RBFOX1: variants seen among roughly 807,000 people sequenced by gnomAD.
RBFOX1 encodes the protein RNA binding fox-1 homolog 1.
RBFOX1 carries 8 observed loss-of-function variants against 57.7 expected under a neutral mutation model. The observed-to-expected ratio is 0.14, with a 90% CI of 0.08 to 0.25. The LOEUF (loss-of-function observed/expected upper bound fraction) is 0.25. Among genes scored for constraint, RBFOX1 ranks in the 10% least tolerant of loss-of-function variants. RBFOX1 has a pLI of 1.00. For synonymous variants in RBFOX1, 326 were observed against 222.4 expected (o/e 1.47, Z -4.15); for missense variants, 611 against 548.5 (o/e 1.11, Z -1.14).
At chr16:7,469,167 C>T (rs1221745985) in intron 4 of RBFOX1, among the ~76,000 whole-genome samples, 1 of 152,022 alleles carries the variant, frequency 6.6e-6, no homozygotes, top group Non-Finnish European at 1.5e-5. Context: ...ATCTCCTGAC[C>T]TCATGATCTA....
At chr16:5,287,529 A>C (rs1219470105) in intron 1 of RBFOX1, among the ~76,000 whole-genome samples, 1 of 152,218 alleles carries the variant, frequency 6.6e-6, no homozygotes, top group Non-Finnish European at 1.5e-5. Flanking sequence ...GCTGCATAAC[A>C]AGTCACTCCA....
chr16:5,590,138 G>A (rs974317836), intron 2 of RBFOX1, among the ~76,000 whole-genome samples: 1 of 152,206 alleles, frequency 6.6e-6, no homozygotes, highest in Admixed American at 6.5e-5. Context: ...TTTATTTTAT[G>A]ACTTACTGAG....
intron 2 of RBFOX1, among the ~76,000 whole-genome samples, chr16:5,482,030 A>C (rs1005571189): frequency 1.3e-5 from 2 of 152,224 alleles, no homozygotes; most frequent in African/African-American, 4.8e-5. Flanking sequence ...AGTTCAGCCC[A>C]TAACAGCCTC....
chr16:5,726,030 C>G (rs866911596), intron 3 of RBFOX1, among the ~76,000 whole-genome samples: 6 of 152,038 alleles, frequency 3.9e-5, no homozygotes, highest in Non-Finnish European at 5.9e-5. Context: ...TCTTCCAACC[C>G]AAAGAATCCT....
intron 5 of RBFOX1, among the ~76,000 whole-genome samples, chr16:7,566,110 T>C (rs192477775): frequency 3.9e-5 from 6 of 152,318 alleles, no homozygotes; most frequent in Admixed American, 2.6e-4. Context: ...ATATGGTGTT[T>C]AGTCATGGGG....
At chr16:5,243,795 C>G (rs145409244) in intron 1 of RBFOX1, among the ~76,000 whole-genome samples, 1 of 152,058 alleles carries the variant, frequency 6.6e-6, no homozygotes. Context: ...GTTTTCTCAT[C>G]TATAAAATGG....
In RBFOX1 at chr16:7,710,836, A is replaced by T. The variant is rs1381529496; in HGVS notation, c.*91A>T. On this transcript the variant is annotated 3_prime_UTR_variant, in exon 16 of 16. Transcript: ENST00000550418. ...AATACATGCAGTAGTACATCATTTT[A>T]GCAACTCTAAAAAAAAAAAAAATAC... 3 of 1,074,864 alleles carry T rather than the reference A, an allele frequency of 2.8e-6. No homozygotes were observed. The highest frequency in any genetic ancestry group is 3.6e-6 in the Non-Finnish European group (3 of 843,132). 66.6% of individuals were successfully genotyped at this position (1,074,864 alleles called of 1,614,324 possible).
At chr16:5,364,247 G>A (rs1001254577) in intron 1 of RBFOX1, among the ~76,000 whole-genome samples, 9 of 152,198 alleles carry the variant, frequency 5.9e-5, no homozygotes, top group African/African-American at 2.2e-4. Context: ...ACTTGGATGT[G>A]TGCTGGTTTG....
At chr16:6,704,710 C>G (rs1217043733) in intron 3 of RBFOX1, 1 of 152,144 alleles carries the variant, frequency 6.6e-6, no homozygotes, top group Non-Finnish European at 1.5e-5. Flanking sequence ...TTGGAACATT[C>G]AGTATTGCAG....
chr16:6,519,911 C>T (rs184535102), intron 2 of RBFOX1, among the ~76,000 whole-genome samples: 42 of 152,108 alleles, frequency 2.8e-4, no homozygotes, highest in African/African-American at 9.9e-4. Context: ...TGGGTTTGGC[C>T]CCATGCTCTT....
intron 1 of RBFOX1, among the ~76,000 whole-genome samples, chr16:6,188,362 G>C (rs1367204343): frequency 8.1e-6 from 1 of 123,560 alleles, no homozygotes; most frequent in Non-Finnish European, 1.7e-5. Context: ...AGAAGACCAA[G>C]AAACAATTAG....
intron 3 of RBFOX1, among the ~76,000 whole-genome samples, chr16:6,992,233 G>A (rs989407455): frequency 4.0e-5 from 6 of 150,932 alleles, no homozygotes; most frequent in East Asian, 3.9e-4. Flanking sequence ...GTGCAATCTC[G>A]GCTTACTGCA....
chr16:7,601,767 C>G (rs575303971), intron 9 of RBFOX1, among the ~76,000 whole-genome samples: 419 of 152,076 alleles, frequency 2.8e-3, no homozygotes, highest in Non-Finnish European at 5.0e-3. Flanking sequence ...TCTAATAAGT[C>G]TGTCTGTGAG....
intron 4 of RBFOX1, among the ~76,000 whole-genome samples, chr16:7,466,626 C>T (rs553034950): frequency 6.6e-6 from 1 of 152,170 alleles, no homozygotes; most frequent in Non-Finnish European, 1.5e-5. Flanking sequence ...CACTCACTAG[C>T]TGTGTGTCCT....
At chr16:5,603,940 T>C (rs2047463070), downstream of RBFOX1, among the ~76,000 whole-genome samples, 1 of 148,098 alleles carries the variant, frequency 6.8e-6, no homozygotes, top group African/African-American at 2.5e-5. Flanking sequence ...TACCCTCCTA[T>C]ACCCAAGGCA....
intron 4 of RBFOX1, among the ~76,000 whole-genome samples, chr16:7,264,479 C>A (rs1164606517): frequency 6.6e-6 from 1 of 152,168 alleles, no homozygotes; most frequent in Admixed American, 6.5e-5. Context: ...GCTAGTTTTT[C>A]TGTAAGGGCC....
At chr16:5,241,133 G>C (rs574538414) in intron 1 of RBFOX1, among the ~76,000 whole-genome samples, 12 of 152,336 alleles carry the variant, frequency 7.9e-5, no homozygotes, top group Admixed American at 2.0e-4. Flanking sequence ...ACGGGTAGCC[G>C]TCCTCGCCGT....
intron 3 of RBFOX1, among the ~76,000 whole-genome samples, chr16:5,679,799 C>T (rs971132573): frequency 3.9e-5 from 6 of 152,154 alleles, no homozygotes; most frequent in Non-Finnish European, 5.9e-5. Context: ...TGCATAAGCT[C>T]CTTCTCTCCA....
intron 3 of RBFOX1, among the ~76,000 whole-genome samples, chr16:5,682,274 C>A (rs953832815): frequency 6.6e-6 from 1 of 152,132 alleles, no homozygotes; most frequent in Non-Finnish European, 1.5e-5. Context: ...TGTGGGAGCA[C>A]CATTAATCCC....
Sources: allele counts gnomAD v4.1 joint callset (sites outside exome capture counted in the v4.1 genomes callset), GRCh38; gene constraint gnomAD v4.1.1; transcripts MANE v1.5; gene names NCBI Gene and HGNC (gene_info 2026-07-23, HGNC 2026-07-21).